The following MEP1B variants were observed in gnomAD, a reference collection of about 807,000 sequenced individuals.
The protein encoded by MEP1B is N-benzoyl-L-tyrosyl-P-amino-benzoic acid hydrolase subunit beta.
A neutral mutation model predicts 84.6 loss-of-function variants in MEP1B; 80 were observed. That is an observed-to-expected ratio of 0.95 (90% CI 0.79 to 1.14). The LOEUF (loss-of-function observed/expected upper bound fraction) is 1.14, where lower values mean the gene tolerates loss of function less well. Among genes scored for constraint, MEP1B ranks in the 50% most tolerant of loss-of-function variants. MEP1B has a pLI of 0.00. For missense variants in MEP1B, 766 were observed against 855.1 expected (o/e 0.90, Z 1.30); for synonymous variants, 273 against 288.1 (o/e 0.95, Z 0.53).
chr18:32,209,486 CAAA>C (rs1156344556), intron 9 of MEP1B, among the ~76,000 whole-genome samples: 3 of 107,120 alleles, frequency 2.8e-5, no homozygotes, highest in Non-Finnish European at 2.1e-5. Context: ...GACGTTGTCT[CAAA>C]AAAAAAAAAA....
At chr18:32,208,095 A>G (rs1455245065) in intron 8 of MEP1B, 24 bp from the exon 9 acceptor site, 2 of 1,611,474 alleles carry the variant, frequency 1.2e-6, no homozygotes, top group East Asian at 2.2e-5. Context: ...ATGAGTGTCA[A>G]TAATTGTTTT....
intron 9 of MEP1B, among the ~76,000 whole-genome samples, chr18:32,209,114 C>T (rs912552660): frequency 2.0e-5 from 3 of 152,174 alleles, no homozygotes; most frequent in African/African-American, 7.2e-5. Flanking sequence ...TCATAAATCG[C>T]CTGCTCCTAG....
chr18:32,192,729 G>C, intron 3 of MEP1B, 39 bp downstream of exon 3: 1 of 1,611,316 alleles, frequency 6.2e-7, no homozygotes, highest in Non-Finnish European at 8.5e-7. Context: ...TAAGTAGAGA[G>C]TTTGAATCCA....
chr18:32,191,037 C>A (rs577481462), intron 1 of MEP1B, among the ~76,000 whole-genome samples: 8 of 152,014 alleles, frequency 5.3e-5, no homozygotes, highest in Non-Finnish European at 1.2e-4. Flanking sequence ...TATACTGTAA[C>A]CCTCACAATA....
In MEP1B at chr18:32,196,406, G is replaced by A. The variant is rs2040855199; in HGVS notation, c.250+921G>A. 2.2e-5 allele frequency: 15 copies of A among 697,274 alleles called. No homozygotes were observed. The highest frequency in any genetic ancestry group is 6.1e-5 in the Admixed American group (3 of 49,530). The allele number at this position is 697,274 out of a possible 1,614,324, so 43.2% of individuals were successfully genotyped here. ...TCAGAGCTCTCCTTGGTCTTCTCCT[G>A]GTCCTCGCCCAGCTGGGTCTTACAG... On this transcript the variant is annotated intron_variant, in intron 5 of 14. Coordinates refer to ENST00000269202, the MANE Select transcript of MEP1B (RefSeq NM_005925.3). This position sits in a 1 kb window ranked among gnomAD's most constrained non-coding sequence, Gnocchi z 4.4.
chr18:32,193,103 T>G (rs994603043), intron 4 of MEP1B, among the ~76,000 whole-genome samples: 1 of 152,198 alleles, frequency 6.6e-6, no homozygotes, highest in African/African-American at 2.4e-5. Context: ...TGGAGCAATA[T>G]GACATTTGAT....
At chr18:32,213,859 G>A (rs1003956109) in intron 11 of MEP1B, among the ~76,000 whole-genome samples, 1 of 152,178 alleles carries the variant, frequency 6.6e-6, no homozygotes, top group Non-Finnish European at 1.5e-5. Flanking sequence ...ACATGCCTGA[G>A]TTCAAGTCCA....
At position 32,191,175 on chromosome 18, in the gene MEP1B, C is replaced by T. The variant is rs78623025; in HGVS notation, c.64-647C>T. On this transcript the variant is annotated intron_variant, in intron 1 of 14. Transcript: ENST00000269202. Reference sequence around the variant, plus strand: ...AGTCCTATGAGCTTTTTAATTCAATCACACTAAGACATTTCTCAGGTTTAC... The same window carrying T: ...AGTCCTATGAGCTTTTTAATTCAATTACACTAAGACATTTCTCAGGTTTAC... 1.1e-3 allele frequency among the ~76,000 whole-genome samples: 167 copies of T among 151,336 alleles called. 2 individuals carry two copies. In the East Asian group the frequency reaches 0.029, roughly 26 times the overall value.
chr18:32,191,707 C>A, intron 1 of MEP1B, 115 bp from the exon 2 acceptor site: 1 of 632,534 alleles, frequency 1.6e-6, no homozygotes, highest in Admixed American at 3.2e-5. Flanking sequence ...AGGAAGTAAT[C>A]CATAATATTA....
intron 13 of MEP1B, 28 bp downstream of exon 13, chr18:32,217,145 C>G (rs1453498219): frequency 1.3e-5 from 21 of 1,605,158 alleles, no homozygotes; most frequent in Non-Finnish European, 1.7e-5. Context: ...GAGATCTCTC[C>G]ATTCTTTGGT....
chr18:32,190,193 T>A, intron 1 of MEP1B, 60 bp downstream of exon 1: 2 of 1,207,328 alleles, frequency 1.7e-6, no homozygotes, highest in Non-Finnish European at 2.4e-6. Flanking sequence ...TATTGATTGT[T>A]AAAGAACAAG....
chr18:32,191,969 C>A, intron 2 of MEP1B, 129 bp downstream of exon 2: 2 of 598,248 alleles, frequency 3.3e-6, no homozygotes, highest in South Asian at 4.5e-5. Context: ...ATACTGGATT[C>A]TTTTGATTTA....
chr18:32,213,738 C>T (rs1452927375), intron 11 of MEP1B, among the ~76,000 whole-genome samples, 179 bp downstream of exon 11: 1 of 152,156 alleles, frequency 6.6e-6, no homozygotes, highest in African/African-American at 2.4e-5. Flanking sequence ...CAGACAGGAG[C>T]TCATCACAAA....
chr18:32,219,709 A>G (rs993756631), intron 14 of MEP1B, among the ~76,000 whole-genome samples: 1 of 152,198 alleles, frequency 6.6e-6, no homozygotes, highest in Non-Finnish European at 1.5e-5. Context: ...TGACAAAACC[A>G]AAGAGAAGAG....
At chr18:32,211,260 C>T (rs1246135017) in intron 10 of MEP1B, among the ~76,000 whole-genome samples, 1 of 152,000 alleles carries the variant, frequency 6.6e-6, no homozygotes, top group Non-Finnish European at 1.5e-5. Context: ...CAGAGCAAGA[C>T]TCCATCTCTG....
chr18:32,205,106 G>A (rs1164158892), intron 7 of MEP1B, among the ~76,000 whole-genome samples: 3 of 152,114 alleles, frequency 2.0e-5, no homozygotes, highest in African/African-American at 7.2e-5. Context: ...AGTGTTTATT[G>A]GGTTGACAGG....
In MEP1B at chr18:32,196,617, C is replaced by T; in HGVS notation, c.250+1132C>T. On this transcript the variant is annotated intron_variant, in intron 5 of 14. Transcript: ENST00000269202. This position sits in a 1 kb window ranked among gnomAD's most constrained non-coding sequence, Gnocchi z 4.4. The stretch of plus-strand genomic sequence containing the variant: ...CAGCGACAGGTCGTACTCCATCACC[C>T]TGTGCAGCACCCGCCTGATGTTGTC... 1 of 720,614 alleles carries T rather than the reference C, an allele frequency of 1.4e-6. No homozygotes were observed. The highest frequency in any genetic ancestry group is 2.5e-6 in the Non-Finnish European group (1 of 392,694). 44.6% of individuals were successfully genotyped at this position (720,614 alleles called of 1,614,324 possible).
Position 32,192,543 on chromosome 18 carries a change from A to AG in MEP1B, c.83-101dup. 4 of 1,015,468 alleles carry AG rather than the reference A, an allele frequency of 3.9e-6. 1 individual carries two copies. The South Asian group carries it at 5.5e-5, about 14-fold the overall frequency. The allele number at this position is 1,015,468 out of a possible 1,614,324, so 62.9% of individuals were successfully genotyped here. ...TGAGTCTGAATCTAGTAGTCACCTG[A>AG]GGCCAAAAGAAACTTGCTTAGTTCT... On this transcript the variant is annotated intron_variant, in intron 2 of 14. Coordinates refer to ENST00000269202, the MANE Select transcript of MEP1B (RefSeq NM_005925.3).
Position 32,210,593 on chromosome 18 carries a change from T to C in MEP1B, c.1012T>C (p.Phe338Leu). The C allele has an allele frequency of 6.2e-7, 1 of 1,613,986 alleles. No individual in the cohort carries two copies. Among genetic ancestry groups the C allele is most frequent in the Non-Finnish European group, 8.5e-7 (1 of 1,179,866 alleles). The change falls in exon 10 of 15, where the codon TTT (phenylalanine) becomes CTT (leucine). Residue 338 changes from phenylalanine to leucine, a missense_variant. Phe to Leu is a conservative substitution (Grantham distance 22). Coordinates refer to ENST00000269202, the MANE Select transcript of MEP1B (RefSeq NM_005925.3). Reference protein sequence around the residue: ...ESRTLYPKRGFQCLQFYLYNS... With the variant: ...ESRTLYPKRGLQCLQFYLYNS... ...TAGAACGCTGTACCCTAAAAGAGGA[T>C]TTCAGTGCCTGCAATTTTACTTATA... is the stretch of plus-strand genomic sequence containing the variant.
Sources: gnomAD v4.1 joint callset for allele counts (sites outside exome capture counted in the v4.1 genomes callset) on GRCh38, gnomAD v4.1.1 for gene constraint, Gnocchi (gnomAD v3.1) non-coding constraint, MANE v1.5 for transcripts, NCBI Gene and HGNC (gene_info 2026-07-23, HGNC 2026-07-21) for gene names.